Variants in USH2A observed in about 807,000 individuals in gnomAD.
USH2A encodes the protein usherin.
Under a neutral mutation model 538.9 loss-of-function variants are expected in USH2A, and 443 were observed. The ratio of observed to expected loss-of-function variants is 0.82; its 90% CI spans 0.76 to 0.89. The LOEUF is 0.89. USH2A is among the 40% of genes least tolerant of loss of function. The pLI is 0.00. For synonymous variants in USH2A, 2,413 were observed against 2,273.5 expected, an observed-to-expected ratio of 1.06 and a Z score of -1.75; for missense variants, 6,633 against 6,324.8, an observed-to-expected ratio of 1.05 and a Z score of -1.65.
chr1:215,675,419 G>A lies in USH2A; in HGVS notation c.12492C>T (p.His4164=). The A allele has an allele frequency of 6.2e-7, 1 of 1,614,116 alleles. No individual in the cohort carries two copies. The highest frequency in any genetic ancestry group is 1.7e-5 in the Admixed American group (1 of 60,026). Residue 4164 remains histidine, a synonymous_variant, in exon 63 of 72, where the codon CAC becomes CAT. Coordinates refer to ENST00000307340, the MANE Select transcript of USH2A (RefSeq NM_206933.4). ...GCTCAACACTGGTGGACTTCACAGAGTGGACAGTAGGAGCCAGCTGAGAGT... is the reference window on the plus strand; with the variant it reads ...GCTCAACACTGGTGGACTTCACAGAATGGACAGTAGGAGCCAGCTGAGAGT... ...PPDSQLAPTV[H]SVKSTSVELS...
rs150502493 is a variant in USH2A, at chr1:215,928,388, A to AT, written c.7300+6227dup. ...AAAAATTTAGTAAACTGCTTTCTTC[A>AT]TTTTTTTTGGTGCTAGTACATCATT... On this transcript the variant is annotated intron_variant, in intron 38 of 71. Transcript: ENST00000307340. Among the ~76,000 whole-genome samples the AT allele has an allele frequency of 9.0e-3, 1,362 of 151,788 alleles. 16 individuals carry two copies. Among genetic ancestry groups the AT allele is most frequent in the African/African-American group, 0.031 (1,305 of 41,442 alleles).
At chr1:216,214,650 A>T (rs2035308981) in intron 15 of USH2A, among the ~76,000 whole-genome samples, 1 of 152,066 alleles carries the variant, frequency 6.6e-6, no homozygotes, top group Non-Finnish European at 1.5e-5. Flanking sequence ...AAATTTACTA[A>T]AATCCATCAA....
At position 216,073,261 on chromosome 1, in the gene USH2A, C is replaced by T. The variant is rs140895792; in HGVS notation, c.5612G>A (p.Gly1871Asp). 2.7e-4 allele frequency: 429 copies of T among 1,613,784 alleles called. No individual in the cohort carries two copies. In the African/African-American group the frequency reaches 2.8e-3, roughly 11 times the overall value. The change falls in exon 28 of 72, where the codon GGT (glycine) becomes GAT (aspartate). Residue 1871 changes from glycine to aspartate, a missense_variant. By Grantham distance (94) the Gly-to-Asp change is moderately conservative. Coordinates refer to ENST00000307340, the MANE Select transcript of USH2A (RefSeq NM_206933.4). ...CACAGATGCCAAGTTAACGACAGCA[C>T]CCCGTGTAAATTTAACATCCTTCAT... ...GCMKDVKFTR[G>D]AVVNLASVSS...
At chr1:216,126,780 T>G (rs542806425) in intron 21 of USH2A, among the ~76,000 whole-genome samples, 57 of 152,302 alleles carry the variant, frequency 3.7e-4, no homozygotes, top group South Asian at 6.2e-4. Context: ...AGATTTAAAG[T>G]TGAAGCCTTC....
rs992594410 is a variant in USH2A at position 216,026,160 on chromosome 1, A to G, written c.6325+20271T>C. On this transcript the variant is annotated intron_variant, in intron 32 of 71. Coordinates refer to ENST00000307340, the MANE Select transcript of USH2A (RefSeq NM_206933.4). ...AAACATGGGGATGGAATTTTCATCC[A>G]AGCAAACAGGATGCCCTTGTTTAGG... 3.3e-5 allele frequency among the ~76,000 whole-genome samples: 5 copies of G among 152,162 alleles called. No individual in the cohort carries two copies. In the East Asian group the frequency reaches 9.6e-4, roughly 29 times the overall value.
chr1:215,675,118 C>G lies in USH2A; in HGVS notation c.12793G>C (p.Gly4265Arg). 6.2e-7 allele frequency: 1 copy of G among 1,614,008 alleles called. No individual in the cohort carries two copies. Among genetic ancestry groups the G allele is most frequent in the Non-Finnish European group, 8.5e-7 (1 of 1,179,986 alleles). Residue 4265 changes from glycine to arginine, a missense_variant, in exon 63 of 72, where the codon GGT (glycine) becomes CGT (arginine). Physicochemically the swap from Gly to Arg is moderately radical, Grantham distance 125 (BLOSUM62 -2). Transcript: ENST00000307340. ...TAGGATATCACAGGTGGAGAGAGAC[C>G]TTCTGGAGGTGCTTGCAATGTCCTC... ...VVRTLQAPPEGLSPPVISYVS... is the reference protein window; with the variant it reads ...VVRTLQAPPERLSPPVISYVS...
intron 49 of USH2A, among the ~76,000 whole-genome samples, chr1:215,805,200 G>C (rs1357684565): frequency 1.3e-5 from 2 of 151,896 alleles, no homozygotes; most frequent in Admixed American, 6.6e-5. Flanking sequence ...CGAGTTAATG[G>C]GTGCAACATA....
intron 58 of USH2A, among the ~76,000 whole-genome samples, chr1:215,748,403 T>C (rs1660541570): frequency 6.6e-6 from 1 of 152,150 alleles, no homozygotes; most frequent in South Asian, 2.1e-4. Context: ...TTTTCCCAAA[T>C]GATAAGTTGT....
chr1:216,191,103 A>G (rs2034707529), intron 19 of USH2A, among the ~76,000 whole-genome samples: 1 of 152,088 alleles, frequency 6.6e-6, no homozygotes, highest in Non-Finnish European at 1.5e-5. Flanking sequence ...TATAATTTGA[A>G]GTGATCAAAA....
At chr1:216,266,515 G>A (rs374595612) in intron 11 of USH2A, among the ~76,000 whole-genome samples, 1 of 152,060 alleles carries the variant, frequency 6.6e-6, no homozygotes, top group African/African-American at 2.4e-5. Context: ...GATTTGCAAG[G>A]ATTCAAAACT....
At chr1:215,816,678 G>T (rs1662864772) in intron 48 of USH2A, among the ~76,000 whole-genome samples, 1 of 151,984 alleles carries the variant, frequency 6.6e-6, no homozygotes. Context: ...ACTCATCAGT[G>T]CCATATAAAC....
At chr1:215,992,613 CA>C (rs1282516288) in intron 35 of USH2A, among the ~76,000 whole-genome samples, 2 of 152,072 alleles carry the variant, frequency 1.3e-5, no homozygotes. Context: ...CTTATTAAAT[CA>C]AAAGCGTTTT....
chr1:215,664,104 G>A (rs1657530262), intron 64 of USH2A, among the ~76,000 whole-genome samples: 1 of 152,110 alleles, frequency 6.6e-6, no homozygotes, highest in Non-Finnish European at 1.5e-5. Context: ...TCCCAGATGC[G>A]AGAGCAGAAA....
chr1:215,653,891 C>T (rs937180370), intron 64 of USH2A, among the ~76,000 whole-genome samples: 4 of 152,076 alleles, frequency 2.6e-5, no homozygotes, highest in African/African-American at 9.7e-5. Context: ...CAGCAGAGAT[C>T]CCACATAGAA....
chr1:216,010,432 G>T (rs917616922), intron 32 of USH2A, among the ~76,000 whole-genome samples: 6 of 151,918 alleles, frequency 3.9e-5, no homozygotes, highest in Admixed American at 2.0e-4. Flanking sequence ...CTGGCCCAAG[G>T]TTCTCTGACT....
At chr1:215,770,905 G>A (rs1221181765) in intron 55 of USH2A, among the ~76,000 whole-genome samples, 2 of 127,194 alleles carry the variant, frequency 1.6e-5, no homozygotes, top group Non-Finnish European at 3.2e-5. Flanking sequence ...AGGAGTTTGA[G>A]ACCAACCTGG....
rs1231186035 is a variant in USH2A, at chr1:216,207,432, C to G, written c.3158-1G>C. 6.2e-7 allele frequency: 1 copy of G among 1,613,852 alleles called. No individual in the cohort carries two copies. Among genetic ancestry groups the G allele is most frequent in the South Asian group, 1.1e-5 (1 of 91,082 alleles). Reference sequence around the variant, plus strand: ...CTGGGCGGAGGTTGCTGGAATGGAGCTAAATTACAATGAAGAGAGCATTTA... The same window carrying G: ...CTGGGCGGAGGTTGCTGGAATGGAGGTAAATTACAATGAAGAGAGCATTTA... On this transcript the variant is annotated splice_acceptor_variant, in intron 15 of 71. Coordinates refer to ENST00000307340, the MANE Select transcript of USH2A (RefSeq NM_206933.4). LOFTEE classifies it high-confidence loss of function.
Position 216,207,337 on chromosome 1 carries a change from C to A in USH2A, c.3252G>T (p.Trp1084Cys), listed in dbSNP as rs200289497. The A allele has an allele frequency of 1.8e-4, 295 of 1,613,782 alleles. No individual in the cohort carries two copies. Among genetic ancestry groups the A allele is most frequent in the Non-Finnish European group, 2.4e-4 (285 of 1,179,950 alleles). ...WSPPDSPNAH[W>C]LTYSLLRDGF... is the part of the protein sequence containing the mutation. ...CATCCCTGAGTAAACTGTAAGTAAG[C>A]CAGTGGGCATTTGGAGAATCAGGTG... Residue 1084 changes from tryptophan (W) to cysteine (C), a missense_variant, in exon 16 of 72, where the codon TGG becomes TGT. Physicochemically the swap from Trp to Cys is radical, Grantham distance 215 (BLOSUM62 -2). Coordinates refer to ENST00000307340, the MANE Select transcript of USH2A (RefSeq NM_206933.4).
rs765642761 is a variant in USH2A at position 215,680,278 on chromosome 1, A to G, written c.12165T>C (p.Pro4055=). The G allele has an allele frequency of 1.9e-6, 3 of 1,614,174 alleles. No homozygotes were observed. In the South Asian group the frequency reaches 3.3e-5, roughly 18 times the overall value. Residue 4055 remains proline (P), a synonymous_variant, in exon 62 of 72, where the codon CCT becomes CCC. Transcript: ENST00000307340. ...ATTCTAAGGTTTGAATCAGAGTCCA[A>G]GGGCTTAAAATTTCTCCTGCATGGT... is the stretch of plus-strand genomic sequence containing the variant. ...AANHAGEILS[P]WTLIQTLESS...
Sources: gnomAD v4.1 joint callset for allele counts (sites outside exome capture counted in the v4.1 genomes callset) on GRCh38, gnomAD v4.1.1 for gene constraint, MANE v1.5 for transcripts, NCBI Gene and HGNC (gene_info 2026-07-23, HGNC 2026-07-21) for gene names.